The following DYM variants were observed in gnomAD, a reference collection of about 807,000 sequenced individuals.
DYM encodes the protein dyggve-Melchior-Clausen syndrome protein.
DYM carries 78 observed loss-of-function variants against 93.1 expected under a neutral mutation model. The observed-to-expected ratio is 0.84, with a 90% CI of 0.70 to 1.01. The LOEUF (loss-of-function observed/expected upper bound fraction) is 1.01, where lower values mean the gene tolerates loss of function less well. Ranked by LOEUF, DYM falls within the 50% of genes least tolerant of loss-of-function variation. DYM has a pLI of 0.00. For missense variants in DYM, 789 were observed against 845.0 expected (o/e 0.93, Z 0.82); for synonymous variants, 321 against 319.7 (o/e 1.00, Z -0.04).
chr18:49,070,811 G>C (rs1228213370), intron 17 of DYM, among the ~76,000 whole-genome samples: 1 of 152,210 alleles, frequency 6.6e-6, no homozygotes, highest in African/African-American at 2.4e-5. Context: ...AGGAATGTTA[G>C]CCGCTGGATG....
At chr18:49,416,429 T>A (rs1449729605) in intron 2 of DYM, among the ~76,000 whole-genome samples, 2 of 152,176 alleles carry the variant, frequency 1.3e-5, no homozygotes, top group Non-Finnish European at 2.9e-5. Context: ...CACTGCACCT[T>A]TTAGCAAAAC....
At chr18:49,100,730 T>C (rs1312481243) in intron 16 of DYM, among the ~76,000 whole-genome samples, 1 of 152,216 alleles carries the variant, frequency 6.6e-6, no homozygotes, top group Non-Finnish European at 1.5e-5. Context: ...ATATACTATT[T>C]GTTTAATTCT....
intron 8 of DYM, among the ~76,000 whole-genome samples, chr18:49,317,646 C>CTCCTCTCCTCTCCTTCTT (rs750848541): frequency 2.7e-5 from 1 of 36,564 alleles, no homozygotes; most frequent in Non-Finnish European, 5.2e-5. Flanking sequence ...ATCCTCTCCT[C>CTCCTCTCCTCTCCTTCTT]TCCTTCCTTC....
chr18:49,352,617 G>A (rs992252590), intron 6 of DYM, among the ~76,000 whole-genome samples: 2 of 152,176 alleles, frequency 1.3e-5, no homozygotes, highest in Non-Finnish European at 2.9e-5. Context: ...GTGTGTAACT[G>A]TATGCATTTG....
chr18:49,212,225 AT>A (rs2092817094), intron 13 of DYM, among the ~76,000 whole-genome samples: 1 of 152,328 alleles, frequency 6.6e-6, no homozygotes, highest in East Asian at 1.9e-4. Flanking sequence ...ATGTAACATG[AT>A]TTTGGTATTA....
At chr18:49,097,343 C>A (rs2079635688) in intron 17 of DYM, 59 bp downstream of exon 17, 3 of 1,510,044 alleles carry the variant, frequency 2.0e-6, no homozygotes, top group Non-Finnish European at 9.2e-7. Context: ...TGCTAAGACA[C>A]TAACATTTAC....
At chr18:49,283,366 T>A (rs574443360) in intron 9 of DYM, among the ~76,000 whole-genome samples, 28 of 151,950 alleles carry the variant, frequency 1.8e-4, no homozygotes, top group African/African-American at 6.3e-4. Flanking sequence ...TAACTTTTTT[T>A]AAAATAAAAT....
chr18:49,044,940 C>G (rs16960444), intron 17 of DYM, among the ~76,000 whole-genome samples: 5,282 of 152,360 alleles, frequency 0.035, 271 homozygotes, highest in African/African-American at 0.11. Flanking sequence ...TAAGGCAGCA[C>G]TTGCGTTTTA....
At chr18:49,389,540 A>G (rs1176777250) in intron 3 of DYM, among the ~76,000 whole-genome samples, 1 of 152,094 alleles carries the variant, frequency 6.6e-6, no homozygotes, top group Non-Finnish European at 1.5e-5. Flanking sequence ...TGTATTGTCC[A>G]GACTGGAGTC....
intron 13 of DYM, 33 bp downstream of exon 13, chr18:49,256,977 C>T: frequency 6.4e-7 from 1 of 1,557,208 alleles, no homozygotes; most frequent in South Asian, 1.1e-5. Context: ...CAGCCAGAGG[C>T]AAATCAGTAT....
intron 6 of DYM, among the ~76,000 whole-genome samples, chr18:49,352,008 C>T (rs1031270497): frequency 4.6e-5 from 7 of 151,946 alleles, no homozygotes; most frequent in African/African-American, 7.3e-5. Context: ...CAAGACTACA[C>T]GTAGAACTTT....
At chr18:49,358,017 GCA>G (rs1442376921) in intron 6 of DYM, among the ~76,000 whole-genome samples, 1 of 152,072 alleles carries the variant, frequency 6.6e-6, no homozygotes, top group Non-Finnish European at 1.5e-5. Flanking sequence ...AGGCATGGTG[GCA>G]CACACCTGTG....
chr18:49,342,051 G>A (rs887897788), intron 6 of DYM, among the ~76,000 whole-genome samples: 3 of 152,142 alleles, frequency 2.0e-5, no homozygotes, highest in Non-Finnish European at 2.9e-5. Flanking sequence ...TCCAGGTGTC[G>A]GCAAGCTGCA....
At position 49,453,512 on chromosome 18, in the gene DYM, C is replaced by T. The variant is rs185733621; in HGVS notation, c.-54+6886G>A. 4.6e-4 allele frequency among the ~76,000 whole-genome samples: 70 copies of T among 152,244 alleles called. No homozygotes were observed. In the Middle Eastern group the frequency reaches 0.014, roughly 30 times the overall value. On this transcript the variant is annotated intron_variant, in intron 1 of 17. Coordinates refer to ENST00000675505, the MANE Select transcript of DYM (RefSeq NM_001353214.3). ...CGAACCCACCAGAAGGAAGAAACTC[C>T]GAACACATCCGAAAATCAGAAGGAA... is the stretch of plus-strand genomic sequence containing the variant.
At chr18:49,348,631 G>A (rs7505791) in intron 6 of DYM, among the ~76,000 whole-genome samples, 110,975 of 151,614 alleles carry the variant, frequency 0.73, 40,586 homozygotes, top group Admixed American at 0.76. Context: ...AAAATGGGCC[G>A]AGTGCGGTGG....
chr18:49,301,816 C>T (rs774131720), intron 8 of DYM, among the ~76,000 whole-genome samples: 4 of 152,154 alleles, frequency 2.6e-5, no homozygotes, highest in Non-Finnish European at 4.4e-5. Context: ...CTGATAGTGG[C>T]ACCTGCACTT....
intron 10 of DYM, among the ~76,000 whole-genome samples, chr18:49,275,196 C>G (rs991333302): frequency 6.6e-6 from 1 of 152,128 alleles, no homozygotes; most frequent in East Asian, 1.9e-4. Context: ...AGTGACTACA[C>G]AGTGGCACCA....
intron 10 of DYM, among the ~76,000 whole-genome samples, chr18:49,281,159 TC>T (rs2094963681): frequency 6.6e-6 from 1 of 152,114 alleles, no homozygotes. Flanking sequence ...AACAGACACT[TC>T]TCAAAAGAAG....
At chr18:49,140,300 G>A (rs1402679327) in intron 15 of DYM, among the ~76,000 whole-genome samples, 2 of 152,060 alleles carry the variant, frequency 1.3e-5, no homozygotes, top group African/African-American at 2.4e-5. Context: ...GTTTTTGATA[G>A]GAAAATGACA....
Sources: allele counts gnomAD v4.1 joint callset (sites outside exome capture counted in the v4.1 genomes callset), GRCh38; gene constraint gnomAD v4.1.1; transcripts MANE v1.5; gene names NCBI Gene and HGNC (gene_info 2026-07-23, HGNC 2026-07-21).